Variants in JAK2 observed in about 807,000 individuals in gnomAD.
The protein encoded by JAK2 is Janus kinase 2.
Under a neutral mutation model 139.3 loss-of-function variants are expected in JAK2, and 86 were observed. The ratio of observed to expected loss-of-function variants is 0.62; its 90% CI spans 0.52 to 0.74. JAK2 has a LOEUF of 0.74. JAK2 is among the 30% of genes least tolerant of loss of function. JAK2 has a pLI of 0.00. For synonymous variants in JAK2, 490 were observed against 437.7 expected (o/e 1.12, Z -1.49); for missense variants, 1,421 against 1,360.3 (o/e 1.04, Z -0.70).
chr9:5,053,721 A>C (rs988582556), intron 6 of JAK2, among the ~76,000 whole-genome samples: 2 of 151,934 alleles, frequency 1.3e-5, no homozygotes, highest in Admixed American at 6.6e-5. Flanking sequence ...TGGGATTAAG[A>C]GATTTTACAT....
At chr9:5,036,907 C>T (rs542687748) in intron 4 of JAK2, among the ~76,000 whole-genome samples, 4 of 152,246 alleles carry the variant, frequency 2.6e-5, no homozygotes, top group South Asian at 4.1e-4. Context: ...AAAGAAACTA[C>T]CATCAGAGTG....
At chr9:5,058,593 T>C (rs1586718046) in intron 8 of JAK2, among the ~76,000 whole-genome samples, 2 of 152,208 alleles carry the variant, frequency 1.3e-5, no homozygotes, top group African/African-American at 4.8e-5. Flanking sequence ...CTGGATCATA[T>C]GGTAATTCTA....
Position 5,129,899 on chromosome 9 carries a change from A to T in JAK2, c.*3108A>T, listed in dbSNP as rs542795622. On this transcript the variant is annotated 3_prime_UTR_variant, in exon 25 of 25. Transcript: ENST00000381652. The stretch of plus-strand genomic sequence containing the variant: ...TAAATATTAAAATATTTACTTTTAT[A>T]ATCTTACCTTTTATTTCAATATAAA... Among the ~76,000 whole-genome samples the T allele has an allele frequency of 6.6e-6, 1 of 152,150 alleles. No individual in the cohort carries two copies. The highest frequency in any genetic ancestry group is 1.9e-4 in the East Asian group (1 of 5,204).
chr9:5,108,172 T>A (rs1025032548), intron 22 of JAK2: 3 of 152,132 alleles, frequency 2.0e-5, no homozygotes, highest in Non-Finnish European at 4.4e-5. Flanking sequence ...TATTAACTGT[T>A]CAATGAATCA....
intron 2 of JAK2, among the ~76,000 whole-genome samples, chr9:5,007,141 T>A (rs997653673): frequency 1.3e-5 from 2 of 152,146 alleles, no homozygotes; most frequent in Admixed American, 6.5e-5. Context: ...TTAAGTACTT[T>A]CATTTTTATG....
At chr9:5,040,155 T>C (rs976554390) in intron 4 of JAK2, among the ~76,000 whole-genome samples, 31 of 152,176 alleles carry the variant, frequency 2.0e-4, no homozygotes, top group African/African-American at 7.2e-4. Context: ...ATTTCTCACA[T>C]TGATGGTGAT....
intron 8 of JAK2, among the ~76,000 whole-genome samples, chr9:5,059,826 T>C (rs1818029996): frequency 6.6e-6 from 1 of 152,212 alleles, no homozygotes; most frequent in Admixed American, 6.5e-5. Flanking sequence ...TTCACTTACT[T>C]ATTGTTCATC....
In JAK2 at chr9:5,090,927, TA is replaced by T; in HGVS notation, c.3059+17del. The T allele has an allele frequency of 6.6e-7, 1 of 1,514,996 alleles. No homozygotes were observed. The highest frequency in any genetic ancestry group is 8.9e-7 in the Non-Finnish European group (1 of 1,123,602). The allele number at this position is 1,514,996 out of a possible 1,614,324, so 93.8% of individuals were successfully genotyped here. On this transcript the variant is annotated intron_variant, in intron 22 of 24. Coordinates refer to ENST00000381652, the MANE Select transcript of JAK2 (RefSeq NM_004972.4). ...CCATATTCTGGTGAGTATATTTCAG[TA>T]TGATAAATGAAATTTTAGAGCACAG...
intron 4 of JAK2, among the ~76,000 whole-genome samples, chr9:5,043,356 C>T (rs542019793): frequency 1.3e-5 from 2 of 151,402 alleles, no homozygotes; most frequent in African/African-American, 4.8e-5. Context: ...AAAAGATGCC[C>T]AACATCATTG....
At chr9:5,116,737 G>A (rs1054133021) in intron 22 of JAK2, among the ~76,000 whole-genome samples, 1 of 152,162 alleles carries the variant, frequency 6.6e-6, no homozygotes, top group Non-Finnish European at 1.5e-5. Context: ...TCCCTTAGTA[G>A]AAAGGCTGAA....
intron 3 of JAK2, among the ~76,000 whole-genome samples, chr9:5,023,274 T>C (rs966948470): frequency 6.6e-6 from 1 of 152,252 alleles, no homozygotes; most frequent in Non-Finnish European, 1.5e-5. Context: ...TTTCAGTTCC[T>C]GGCTTATTTC....
intron 22 of JAK2, among the ~76,000 whole-genome samples, chr9:5,093,368 C>A (rs774852814): frequency 2.6e-5 from 4 of 152,178 alleles, no homozygotes; most frequent in Admixed American, 6.5e-5. Context: ...CATATCCTGA[C>A]CTTGCAAAGG....
At chr9:5,088,139 T>C (rs948675825) in intron 19 of JAK2, among the ~76,000 whole-genome samples, 2 of 152,140 alleles carry the variant, frequency 1.3e-5, no homozygotes, top group Non-Finnish European at 2.9e-5. Flanking sequence ...AAAACCTCAT[T>C]TTAGGGAGTT....
At chr9:5,036,011 C>G (rs577486193) in intron 4 of JAK2, among the ~76,000 whole-genome samples, 34 of 152,314 alleles carry the variant, frequency 2.2e-4, no homozygotes, top group African/African-American at 6.0e-4. Context: ...TCTCCTTAAG[C>G]TGATAAGCAA....
At chr9:5,089,958 G>A in intron 20 of JAK2, 95 bp downstream of exon 20, 1 of 786,830 alleles carries the variant, frequency 1.3e-6, no homozygotes, top group Non-Finnish European at 1.8e-6. Flanking sequence ...CTGGACTTAT[G>A]CCAATGCCCA....
chr9:5,080,414 A>G (rs763830879), intron 17 of JAK2, 34 bp downstream of exon 17: 66 of 1,560,096 alleles, frequency 4.2e-5, no homozygotes, highest in Admixed American at 1.6e-4. Flanking sequence ...GAATTACTCT[A>G]TCTCTGAACT....
chr9:4,985,685 C>T (rs114951942), intron 1 of JAK2, 55 bp downstream of exon 1: 1 of 152,650 alleles, frequency 6.6e-6, no homozygotes, highest in African/African-American at 2.4e-5. Flanking sequence ...GTCTCTCCAC[C>T]CCCTTCCTAC....
At chr9:5,029,657 C>A (rs973171279) in intron 3 of JAK2, 126 bp from the exon 4 acceptor site, 3 of 758,720 alleles carry the variant, frequency 4.0e-6, no homozygotes, top group African/African-American at 3.5e-5. Flanking sequence ...CAAAAGATTT[C>A]GACTGCTATT....
chr9:5,025,787 C>T (rs1156680117), intron 3 of JAK2, among the ~76,000 whole-genome samples: 1 of 152,132 alleles, frequency 6.6e-6, no homozygotes, highest in Non-Finnish European at 1.5e-5. Context: ...CTGCCTCGGC[C>T]TCTCAAAGTG....
Sources: allele counts gnomAD v4.1 joint callset (sites outside exome capture counted in the v4.1 genomes callset), GRCh38; gene constraint gnomAD v4.1.1; transcripts MANE v1.5; gene names NCBI Gene and HGNC (gene_info 2026-07-23, HGNC 2026-07-21).